Variants in RC3H2 observed in about 807,000 individuals in gnomAD.
RC3H2 encodes ring finger and CCCH-type domains 2, also known as roquin-2.
Under a neutral mutation model 133.3 loss-of-function variants are expected in RC3H2, and 31 were observed. That is an observed-to-expected ratio of 0.23 (90% CI 0.17 to 0.31). The LOEUF (loss-of-function observed/expected upper bound fraction) is 0.31. Ranked by LOEUF, RC3H2 falls within the 10% of genes least tolerant of loss-of-function variation. RC3H2 has a pLI of 1.00. For missense variants in RC3H2, 1,175 were observed against 1,437.2 expected (o/e 0.82, Z 2.95); for synonymous variants, 517 against 502.2 (o/e 1.03, Z -0.40).
intron 8 of RC3H2, among the ~76,000 whole-genome samples, chr9:122,878,446 A>G (rs969266137): frequency 2.0e-5 from 3 of 151,726 alleles, no homozygotes; most frequent in Non-Finnish European, 4.4e-5. Context: ...AATTTTTTGT[A>G]TTTTTAGTAG....
intron 8 of RC3H2, among the ~76,000 whole-genome samples, chr9:122,879,458 A>G: frequency 6.6e-6 from 1 of 152,184 alleles, no homozygotes; most frequent in Non-Finnish European, 1.5e-5. Context: ...CAGAAAAAAA[A>G]TGACAATTTC....
At chr9:122,874,361 G>A (rs1484808828) in intron 9 of RC3H2, 2 of 152,086 alleles carry the variant, frequency 1.3e-5, no homozygotes, top group Non-Finnish European at 2.9e-5. Flanking sequence ...AAATGGAAAA[G>A]ACAGATTGAG....
chr9:122,871,711 T>C (rs1831110332), intron 9 of RC3H2, among the ~76,000 whole-genome samples: 1 of 152,164 alleles, frequency 6.6e-6, no homozygotes, highest in South Asian at 2.1e-4. Context: ...CTTTGTGTTT[T>C]TTTTTCATAC....
At chr9:122,880,281 C>G (rs370583892) in intron 6 of RC3H2, 156 bp from the exon 7 acceptor site, 6 of 920,512 alleles carry the variant, frequency 6.5e-6, no homozygotes, top group Non-Finnish European at 1.1e-5. Context: ...ACCTCAGAAT[C>G]TGCCCTATGA....
intron 11 of RC3H2, 41 bp from the exon 12 acceptor site, chr9:122,859,143 A>G (rs1468427566): frequency 7.0e-7 from 1 of 1,436,436 alleles, no homozygotes; most frequent in Non-Finnish European, 9.3e-7. Flanking sequence ...TAATCTTAGT[A>G]CAATCCAACA....
At chr9:122,865,689 T>C in intron 9 of RC3H2, 32 bp from the exon 10 acceptor site, 1 of 1,578,144 alleles carries the variant, frequency 6.3e-7, no homozygotes, top group Non-Finnish European at 8.6e-7. Flanking sequence ...GATTGGTGAA[T>C]ATTTCACTAA....
intron 14 of RC3H2, 30 bp from the exon 15 acceptor site, chr9:122,855,427 G>T: frequency 6.3e-7 from 1 of 1,575,726 alleles, no homozygotes. Context: ...TCAATAAAAG[G>T]ACTGTTGGCA....
At chr9:122,865,705 AC>A (rs755953814) in intron 9 of RC3H2, 48 bp from the exon 10 acceptor site, 1 of 1,541,310 alleles carries the variant, frequency 6.5e-7, no homozygotes, top group South Asian at 1.2e-5. Context: ...ACTAAATCTT[AC>A]TCAAGACAAA....
intron 10 of RC3H2, among the ~76,000 whole-genome samples, chr9:122,862,891 CAAAAAAAAA>C (rs1168612532): frequency 4.2e-5 from 2 of 48,138 alleles, no homozygotes; most frequent in Non-Finnish European, 8.9e-5. Flanking sequence ...GACTCCATCT[CAAAAAAAAA>C]AAAAAAAAAA....
At chr9:122,902,466 C>T (rs1832693500) in intron 1 of RC3H2, among the ~76,000 whole-genome samples, 1 of 152,122 alleles carries the variant, frequency 6.6e-6, no homozygotes. Context: ...AAGAGTAATG[C>T]TGATCTACAA....
At chr9:122,853,770 C>G in intron 18 of RC3H2, 182 bp downstream of exon 18, 3 of 1,427,730 alleles carry the variant, frequency 2.1e-6, no homozygotes, top group Non-Finnish European at 2.8e-6. Context: ...TCCCGATGAT[C>G]TAGTTAAAGA....
rs1259774813 is a variant in RC3H2, at chr9:122,846,990, T to G, written c.*2637A>C. ...AGAATGGATGCAACACAGAATAATC[T>G]CAACACAGAAACAATTCCTATGTTG... On this transcript the variant is annotated 3_prime_UTR_variant, in exon 21 of 21. Transcript: ENST00000357244. 1 of 152,044 alleles carries G rather than the reference T, an allele frequency of 6.6e-6. No individual in the cohort carries two copies. The highest frequency in any genetic ancestry group is 1.5e-5 in the Non-Finnish European group (1 of 67,966). The allele number at this position is 152,044 out of a possible 1,614,324, so 9.4% of individuals were successfully genotyped here.
intron 18 of RC3H2, among the ~76,000 whole-genome samples, chr9:122,852,406 G>A (rs550267676): frequency 4.1e-5 from 6 of 147,682 alleles, no homozygotes; most frequent in East Asian, 2.1e-4. Flanking sequence ...GGAGGGAGGT[G>A]GGGGGGTCAG....
intron 1 of RC3H2, among the ~76,000 whole-genome samples, chr9:122,904,585 C>A (rs1832769639): frequency 6.6e-6 from 1 of 152,226 alleles, no homozygotes; most frequent in East Asian, 1.9e-4. Context: ...CTAGCCACAA[C>A]CCCTGTGCAA....
chr9:122,865,469 T>C lies in RC3H2; in HGVS notation c.1514A>G (p.Gln505Arg). The change falls in exon 10 of 21, where the codon CAG becomes CGG. Residue 505 changes from glutamine (Q) to arginine (R), a missense_variant. This residue lies in a region of RC3H2 where 490 missense variants were observed against 492.8 expected (regional missense o/e 0.99). Coordinates refer to ENST00000357244, the MANE Select transcript of RC3H2 (RefSeq NM_001100588.3). Reference sequence around the variant, plus strand: ...ACTGTCAGTACTACGTGAGATTAGCTGGGAAACACTGTTTTCTGCATTTGA... The same window carrying C: ...ACTGTCAGTACTACGTGAGATTAGCCGGGAAACACTGTTTTCTGCATTTGA... Reference protein sequence around the residue: ...GISNAENSVSQLISRSTDSTL... With the variant: ...GISNAENSVSRLISRSTDSTL... 1.2e-6 allele frequency: 2 copies of C among 1,614,206 alleles called. No individual in the cohort carries two copies. The highest frequency in any genetic ancestry group is 1.7e-6 in the Non-Finnish European group (2 of 1,180,026).
rs56129356 is a variant in RC3H2 at position 122,858,186 on chromosome 9, T to A, written c.2284-93A>T. The A allele has an allele frequency of 0.024, 28,514 of 1,206,040 alleles. 427 individuals are homozygous for A. The highest frequency in any genetic ancestry group is 0.034 in the Middle Eastern group (168 of 4,930). The allele number at this position is 1,206,040 out of a possible 1,614,324, so 74.7% of individuals were successfully genotyped here. A position where few individuals can be genotyped will look rare whatever the true frequency, so the allele number is the denominator to read the frequency against. The stretch of plus-strand genomic sequence containing the variant: ...ATGATGTAAACAGTTTATGATATTG[T>A]TGGGATAAAAAAATACAGCAGGGAA... On this transcript the variant is annotated intron_variant, in intron 12 of 20. Transcript: ENST00000357244.
chr9:122,869,900 A>G (rs567145119), intron 9 of RC3H2, among the ~76,000 whole-genome samples: 17 of 152,244 alleles, frequency 1.1e-4, no homozygotes, highest in Non-Finnish European at 2.2e-4. Context: ...AGGAAAACCA[A>G]TAATTACTTC....
intron 3 of RC3H2, among the ~76,000 whole-genome samples, chr9:122,891,302 C>T (rs1334880606): frequency 3.3e-5 from 5 of 152,268 alleles, no homozygotes; most frequent in Middle Eastern, 3.4e-3. Flanking sequence ...GAATTACAGG[C>T]GTGAGCCTCT....
At chr9:122,891,602 T>C (rs1196231734) in intron 3 of RC3H2, among the ~76,000 whole-genome samples, 1 of 152,174 alleles carries the variant, frequency 6.6e-6, no homozygotes, top group Non-Finnish European at 1.5e-5. Context: ...GATTACTCAT[T>C]ACTCCTTTAA....
Sources: gnomAD v4.1 joint callset for allele counts (sites outside exome capture counted in the v4.1 genomes callset) on GRCh38, gnomAD v4.1.1 for gene constraint, gnomAD v4.1.1 regional missense constraint, MANE v1.5 for transcripts, NCBI Gene and HGNC (gene_info 2026-07-23, HGNC 2026-07-21) for gene names.